Variants in HTT observed in about 807,000 individuals in gnomAD.
HTT encodes huntingtin, also known as huntington disease protein.
Under a neutral mutation model 362.3 loss-of-function variants are expected in HTT, and 104 were observed. The observed-to-expected ratio is 0.29, with a 90% CI of 0.24 to 0.34. The LOEUF is 0.34. Among genes scored for constraint, HTT ranks in the 10% least tolerant of loss-of-function variants. HTT has a pLI of 1.00. For missense variants in HTT, 3,301 were observed against 3,928.6 expected (o/e 0.84, Z 4.27); for synonymous variants, 1,577 against 1,548.7 (o/e 1.02, Z -0.43).
chr4:3,160,546 A>T (rs1189529805), intron 29 of HTT, among the ~76,000 whole-genome samples, 154 bp downstream of exon 29: 1 of 151,400 alleles, frequency 6.6e-6, no homozygotes, highest in African/African-American at 2.4e-5. Flanking sequence ...CCCAAGTCTG[A>T]CTCTGCCTTA....
Position 3,149,132 on chromosome 4 carries a change from A to T in HTT, c.3498+925A>T, listed in dbSNP as rs553093771. ...TTGCTGTCTCCTTAAATCTTGGTTA[A>T]TGGCTACTGTCCTGGCTAGCATAGT... On this transcript the variant is annotated intron_variant, in intron 26 of 66. Coordinates refer to ENST00000355072, the MANE Select transcript of HTT (RefSeq NM_001388492.1). Among the ~76,000 whole-genome samples, 4 of 152,292 alleles carry T rather than the reference A, an allele frequency of 2.6e-5. No individual in the cohort carries two copies. In the East Asian group the frequency reaches 7.7e-4, roughly 29 times the overall value.
rs1261705117 is a variant in HTT at position 3,228,632 on chromosome 4, G to A, written c.7866G>A (p.Val2622=). ...YKLGQVSIHS[V]WLGNSITPLR... is the part of the protein sequence containing the mutation. ...TGTGGCAGGTGTCCATACACTCCGT[G>A]TGGCTGGGGAACAGCATCACACCCC... The change falls in exon 58 of 67, where the codon GTG becomes GTA. Residue 2622 remains valine (V), a synonymous_variant. Coordinates refer to ENST00000355072, the MANE Select transcript of HTT (RefSeq NM_001388492.1). The surrounding 1 kb of genome is among the most constrained non-coding windows in gnomAD (Gnocchi z 4.3). 3.2e-6 allele frequency: 5 copies of A among 1,587,124 alleles called. No homozygotes were observed. In the South Asian group the frequency reaches 4.6e-5, roughly 15 times the overall value.
intron 11 of HTT, among the ~76,000 whole-genome samples, chr4:3,125,911 G>T (rs1450634024): frequency 6.6e-6 from 1 of 152,196 alleles, no homozygotes; most frequent in Non-Finnish European, 1.5e-5. Flanking sequence ...GGGGATGGCA[G>T]GTCGAAACAT....
chr4:3,128,655 T>C (rs1270143739), intron 12 of HTT: 1 of 152,210 alleles, frequency 6.6e-6, no homozygotes, highest in African/African-American at 2.4e-5. Context: ...TTTAAGCACT[T>C]CTCATCTCTA....
chr4:3,216,947 C>G (rs1051445573), intron 51 of HTT, among the ~76,000 whole-genome samples: 3 of 150,954 alleles, frequency 2.0e-5, no homozygotes, highest in African/African-American at 4.9e-5. Context: ...ATGGCGTGAA[C>G]CCGGGAGGCG....
chr4:3,170,939 T>A (rs570278934), intron 29 of HTT, among the ~76,000 whole-genome samples: 1 of 152,330 alleles, frequency 6.6e-6, no homozygotes, highest in African/African-American at 2.4e-5. Context: ...AGCAGAGCCC[T>A]GGTTCCCTGG....
Position 3,222,439 on chromosome 4 carries a change from C to T in HTT, c.7422C>T (p.Val2474=). Residue 2474 remains valine, a synonymous_variant, in exon 54 of 67, where the codon GTC becomes GTT. Coordinates refer to ENST00000355072, the MANE Select transcript of HTT (RefSeq NM_001388492.1). ...AAACTTGGGCCACCCTCCTTGGTGT[C>T]CTGGTGACGCAGCCCCTCGTGATGG... is the stretch of plus-strand genomic sequence containing the variant. ...FEETWATLLG[V]LVTQPLVMEQ... 1 of 1,614,160 alleles carries T rather than the reference C, an allele frequency of 6.2e-7. No homozygotes were observed. The highest frequency in any genetic ancestry group is 8.5e-7 in the Non-Finnish European group (1 of 1,180,024).
chr4:3,128,422 T>G (rs1249933014), intron 12 of HTT: 1 of 152,152 alleles, frequency 6.6e-6, no homozygotes, highest in African/African-American at 2.4e-5. Flanking sequence ...GGTAAAAAAT[T>G]GGAATAGTTG....
intron 3 of HTT, among the ~76,000 whole-genome samples, chr4:3,101,752 C>T (rs1399709786): frequency 6.6e-6 from 1 of 152,176 alleles, no homozygotes; most frequent in Non-Finnish European, 1.5e-5. Context: ...CGGTGAAGCA[C>T]GTGTGTCCAG....
rs918618380 is a variant in HTT, at chr4:3,152,959, A to G, written c.3499-1334A>G. On this transcript the variant is annotated intron_variant, in intron 26 of 66. Transcript: ENST00000355072. ...AGCCACCATGCCCGGCTAACCTTTC[A>G]TTTACTGTCTGCATTTCTTCCCTGA... Among the ~76,000 whole-genome samples, 3 of 151,414 alleles carry G rather than the reference A, an allele frequency of 2.0e-5. 1 individual carries two copies. Among genetic ancestry groups the G allele is most frequent in the Middle Eastern group, 6.3e-3 (2 of 316 alleles).
intron 60 of HTT, among the ~76,000 whole-genome samples, chr4:3,232,006 C>T (rs1578613543): frequency 1.3e-5 from 2 of 152,186 alleles, no homozygotes; most frequent in South Asian, 4.2e-4. Flanking sequence ...ATGCTTGGTA[C>T]CCACGTATCC....
chr4:3,239,612 T>G (rs1560609632), intron 66 of HTT, among the ~76,000 whole-genome samples: 1 of 152,132 alleles, frequency 6.6e-6, no homozygotes, highest in Non-Finnish European at 1.5e-5. Flanking sequence ...GCCAGGTGAG[T>G]GCTGCCGAGT....
At chr4:3,119,224 C>T (rs1270654203) in intron 8 of HTT, among the ~76,000 whole-genome samples, 1 of 152,010 alleles carries the variant, frequency 6.6e-6, no homozygotes, top group East Asian at 1.9e-4. Flanking sequence ...AGAAGCTGGG[C>T]AGAGGGAAGG....
intron 11 of HTT, among the ~76,000 whole-genome samples, chr4:3,126,705 T>G (rs2110183401): frequency 6.6e-6 from 1 of 152,350 alleles, no homozygotes; most frequent in East Asian, 1.9e-4. Context: ...CTTTTTGCCA[T>G]AATTTTTATA....
At chr4:3,122,590 T>C (rs1329275014) in intron 9 of HTT, among the ~76,000 whole-genome samples, 1 of 152,246 alleles carries the variant, frequency 6.6e-6, no homozygotes, top group Admixed American at 6.5e-5. Flanking sequence ...AAAGTTATAC[T>C]TGACTGTTAG....
intron 1 of HTT, among the ~76,000 whole-genome samples, chr4:3,081,546 A>ATTT (rs1712897893): frequency 8.4e-6 from 1 of 119,444 alleles, no homozygotes. Context: ...TTTGGAAAGC[A>ATTT]TTTCTTTTTT....
intron 2 of HTT, among the ~76,000 whole-genome samples, chr4:3,093,234 A>C (rs1324706977): frequency 2.0e-5 from 3 of 152,206 alleles, no homozygotes. Context: ...ACACAGGGCC[A>C]GGAAGAATTT....
At chr4:3,226,156 G>T (rs980755830) in intron 57 of HTT, among the ~76,000 whole-genome samples, 7 of 152,100 alleles carry the variant, frequency 4.6e-5, no homozygotes, top group African/African-American at 1.7e-4. Context: ...AGGCGTGGCC[G>T]TGAGTGTCCC....
At chr4:3,151,097 C>T (rs967079505) in intron 26 of HTT, among the ~76,000 whole-genome samples, 1 of 150,944 alleles carries the variant, frequency 6.6e-6, no homozygotes, top group Non-Finnish European at 1.5e-5. Context: ...AGTGAGCAAG[C>T]ATTACCATCT....
Sources: gnomAD v4.1 joint callset for allele counts (sites outside exome capture counted in the v4.1 genomes callset) on GRCh38, gnomAD v4.1.1 for gene constraint, Gnocchi (gnomAD v3.1) non-coding constraint, MANE v1.5 for transcripts, NCBI Gene and HGNC (gene_info 2026-07-23, HGNC 2026-07-21) for gene names.